CTNNA3: variants seen among roughly 807,000 people sequenced by gnomAD.
CTNNA3 encodes the protein catenin alpha-3.
A neutral mutation model predicts 95.7 loss-of-function variants in CTNNA3; 76 were observed. The observed-to-expected ratio is 0.79, with a 90% CI of 0.66 to 0.96. The LOEUF is 0.96. CTNNA3 is among the 40% of genes least tolerant of loss of function. The pLI, the probability that CTNNA3 is intolerant of heterozygous loss-of-function variation, is 0.00. For synonymous variants in CTNNA3, 431 were observed against 374.4 expected (o/e 1.15, Z -1.74); for missense variants, 1,191 against 1,089.8 (o/e 1.09, Z -1.31).
intron 9 of CTNNA3, among the ~76,000 whole-genome samples, chr10:66,728,964 A>C (rs7914410): frequency 0.39 from 59,035 of 152,058 alleles, 11,903 homozygotes; most frequent in Non-Finnish European, 0.43. Flanking sequence ...AATTTTCTGC[A>C]TATGACTAGC....
intron 1 of CTNNA3, among the ~76,000 whole-genome samples, chr10:67,728,519 G>A (rs758305010): frequency 2.7e-5 from 4 of 149,736 alleles, no homozygotes; most frequent in South Asian, 4.5e-4. Context: ...GAGTGCAATG[G>A]CACAATCTCA....
At chr10:67,669,742 C>T (rs1331752936) in intron 1 of CTNNA3, among the ~76,000 whole-genome samples, 1 of 152,100 alleles carries the variant, frequency 6.6e-6, no homozygotes, top group Admixed American at 6.5e-5. Context: ...TTTTCAAAAC[C>T]AAAATGCCAT....
At chr10:66,489,605 C>G (rs74141517) in intron 11 of CTNNA3, among the ~76,000 whole-genome samples, 2,118 of 152,254 alleles carry the variant, frequency 0.014, 56 homozygotes, top group African/African-American at 0.048. Context: ...CACACGTGCA[C>G]ACACACACAA....
At chr10:66,319,754 A>C (rs534798350) in intron 12 of CTNNA3, among the ~76,000 whole-genome samples, 2 of 152,248 alleles carry the variant, frequency 1.3e-5, no homozygotes, top group South Asian at 4.1e-4. Flanking sequence ...TGCGATTTGT[A>C]ACTGGATAAA....
At chr10:66,468,787 A>G (rs950487256) in intron 11 of CTNNA3, among the ~76,000 whole-genome samples, 1 of 151,938 alleles carries the variant, frequency 6.6e-6, no homozygotes, top group African/African-American at 2.4e-5. Flanking sequence ...ATAAATAATA[A>G]GAAGCACTTA....
At chr10:67,391,847 C>A (rs10997629) in intron 5 of CTNNA3, among the ~76,000 whole-genome samples, 1 of 150,310 alleles carries the variant, frequency 6.7e-6, no homozygotes, top group African/African-American at 2.5e-5. Flanking sequence ...AAACTGGCTA[C>A]CCATTTGTAG....
chr10:67,481,452 A>G (rs1848225708), intron 5 of CTNNA3, among the ~76,000 whole-genome samples: 1 of 152,204 alleles, frequency 6.6e-6, no homozygotes, highest in African/African-American at 2.4e-5. Flanking sequence ...AAATCAAAGT[A>G]CAAAAATCAG....
chr10:67,631,684 TTCAAATTAAAC>T (rs1001769434), intron 2 of CTNNA3, among the ~76,000 whole-genome samples: 2 of 152,194 alleles, frequency 1.3e-5, no homozygotes, highest in African/African-American at 4.8e-5. Flanking sequence ...ATGTAACTAT[TTCAAATTAAAC>T]ACTCTTTGTA....
At position 67,216,282 on chromosome 10, in the gene CTNNA3, T is replaced by A. The variant is rs78680906; in HGVS notation, c.843+3325A>T. Among the ~76,000 whole-genome samples the A allele has an allele frequency of 4.8e-3, 737 of 152,180 alleles. 8 individuals are homozygous for A. Among genetic ancestry groups the A allele is most frequent in the African/African-American group, 0.016 (657 of 41,540 alleles). On this transcript the variant is annotated intron_variant, in intron 6 of 17. Coordinates refer to ENST00000433211, the MANE Select transcript of CTNNA3 (RefSeq NM_013266.4). ...CTGGACAGCTGCTGAGAGAAGAGAA[T>A]ATATATAAAGTTTTTTCTCTTTGTG...
intron 5 of CTNNA3, among the ~76,000 whole-genome samples, chr10:67,455,215 A>C (rs937255416): frequency 1.7e-4 from 26 of 152,190 alleles, no homozygotes; most frequent in Admixed American, 1.4e-3. Context: ...AAGTGATGGC[A>C]TCTTAGATAC....
intron 12 of CTNNA3, among the ~76,000 whole-genome samples, chr10:66,303,933 T>C (rs2091899090): frequency 6.6e-6 from 1 of 152,188 alleles, no homozygotes; most frequent in South Asian, 2.1e-4. Flanking sequence ...AAGTCCTCAG[T>C]AGAGCAAAGG....
At chr10:66,655,973 C>T (rs2894015) in intron 9 of CTNNA3, among the ~76,000 whole-genome samples, 100,265 of 151,898 alleles carry the variant, frequency 0.66, 34,000 homozygotes, top group East Asian at 0.95. Context: ...ATAGGAATAA[C>T]AGAAGAAGTA....
At chr10:67,105,958 C>G (rs749252706) in intron 7 of CTNNA3, among the ~76,000 whole-genome samples, 1 of 152,192 alleles carries the variant, frequency 6.6e-6, no homozygotes, top group Non-Finnish European at 1.5e-5. Flanking sequence ...GGACATCCTT[C>G]AAAACTCCCT....
At chr10:67,715,178 T>C (rs999570871) in intron 1 of CTNNA3, among the ~76,000 whole-genome samples, 1 of 152,204 alleles carries the variant, frequency 6.6e-6, no homozygotes, top group Non-Finnish European at 1.5e-5. Context: ...AAAGAATATA[T>C]AACCTTATTT....
Position 67,042,940 on chromosome 10 carries a change from G to A in CTNNA3, c.1047+137377C>T, listed in dbSNP as rs190685688. Among the ~76,000 whole-genome samples the A allele has an allele frequency of 1.3e-3, 191 of 152,144 alleles. 1 individual carries two copies. Among genetic ancestry groups the A allele is most frequent in the African/African-American group, 4.4e-3 (182 of 41,522 alleles). ...GAATATATTCGAACGCTATAAAAGAGGAGCCAAATAAGTGAAAACTGAGCA... is the reference window on the plus strand; with the variant it reads ...GAATATATTCGAACGCTATAAAAGAAGAGCCAAATAAGTGAAAACTGAGCA... On this transcript the variant is annotated intron_variant, in intron 7 of 17. Transcript: ENST00000433211.
intron 5 of CTNNA3, among the ~76,000 whole-genome samples, chr10:67,471,831 G>A (rs1444233236): frequency 2.0e-5 from 3 of 152,078 alleles, no homozygotes; most frequent in Non-Finnish European, 2.9e-5. Flanking sequence ...ACTATTAAGG[G>A]CCAGAAACTG....
intron 3 of CTNNA3, among the ~76,000 whole-genome samples, chr10:67,568,732 T>C (rs2133283780): frequency 6.6e-6 from 1 of 152,248 alleles, no homozygotes; most frequent in East Asian, 1.9e-4. Context: ...TAACGATTCC[T>C]AAGTAACGGG....
At chr10:67,289,328 A>G (rs1321725280) in intron 5 of CTNNA3, among the ~76,000 whole-genome samples, 1 of 152,174 alleles carries the variant, frequency 6.6e-6, no homozygotes, top group African/African-American at 2.4e-5. Context: ...CCTAAGTTTT[A>G]AAGTACATCA....
At position 66,333,131 on chromosome 10, in the gene CTNNA3, A is replaced by T. The variant is rs568565720; in HGVS notation, c.1732+46021T>A. On this transcript the variant is annotated intron_variant, in intron 12 of 17. Coordinates refer to ENST00000433211, the MANE Select transcript of CTNNA3 (RefSeq NM_013266.4). ...ATTCTTCTCTCTTTTCTTCTTTATT[A>T]GTCTTGCTAGCGGCCTATCAATTTT... 1.3e-4 allele frequency among the ~76,000 whole-genome samples: 20 copies of T among 151,158 alleles called. No homozygotes were observed. In the South Asian group the frequency reaches 3.8e-3, roughly 28 times the overall value.
Sources: allele counts gnomAD v4.1 joint callset (sites outside exome capture counted in the v4.1 genomes callset), GRCh38; gene constraint gnomAD v4.1.1; transcripts MANE v1.5; gene names NCBI Gene and HGNC (gene_info 2026-07-23, HGNC 2026-07-21).